CIBAR2: variants seen among roughly 807,000 people sequenced by gnomAD.
CIBAR2 encodes CBY1-interacting BAR domain-containing protein 2.
Under a neutral mutation model 36.2 loss-of-function variants are expected in CIBAR2, and 38 were observed. That is an observed-to-expected ratio of 1.05 (90% CI 0.81 to 1.38). CIBAR2 has a LOEUF of 1.38. CIBAR2 is among the 40% of genes most tolerant of loss of function. The pLI, the probability that CIBAR2 is intolerant of heterozygous loss-of-function variation, is 0.00. For synonymous variants in CIBAR2, 182 were observed against 149.5 expected, an observed-to-expected ratio of 1.22 and a Z score of -1.58; for missense variants, 481 against 383.4, an observed-to-expected ratio of 1.25 and a Z score of -2.13.
chr16:85,099,581 G>A (rs548140457), intron 8 of CIBAR2, among the ~76,000 whole-genome samples: 14 of 151,962 alleles, frequency 9.2e-5, no homozygotes, highest in African/African-American at 2.7e-4. Context: ...GGCAGGGACC[G>A]TGTGGCCTAC....
intron 5 of CIBAR2, among the ~76,000 whole-genome samples, chr16:85,106,779 T>C (rs1450145672): frequency 6.6e-6 from 1 of 152,218 alleles, no homozygotes; most frequent in Non-Finnish European, 1.5e-5. Context: ...TAACACTTTC[T>C]AGCAGAGCTC....
At chr16:85,106,835 G>C (rs1244469983) in intron 5 of CIBAR2, among the ~76,000 whole-genome samples, 5 of 152,208 alleles carry the variant, frequency 3.3e-5, no homozygotes, top group African/African-American at 7.2e-5. Flanking sequence ...AATGCCCCCA[G>C]GTGAGGACCG....
chr16:85,110,321 T>C lies in CIBAR2; in HGVS notation c.160A>G (p.Ile54Val). ...DKADQLVKQLIDFANSENPEL... is the reference protein window; with the variant it reads ...DKADQLVKQLVDFANSENPEL... ...GGGTTCTCGGAGTTGGCAAAGTCGA[T>C]GAGCTGCTTGACCAGCTGGTCCGCC... Residue 54 changes from isoleucine (I) to valine (V), a missense_variant, in exon 2 of 9, where the codon ATC becomes GTC. Physicochemically the swap from Ile to Val is conservative, Grantham distance 29. Transcript: ENST00000539556. 6.2e-7 allele frequency: 1 copy of C among 1,612,758 alleles called. No homozygotes were observed. The highest frequency in any genetic ancestry group is 8.5e-7 in the Non-Finnish European group (1 of 1,179,328).
Position 85,105,391 on chromosome 16 carries a change from C to T in CIBAR2, c.473G>A (p.Arg158His), listed in dbSNP as rs371379522. 15 of 1,613,660 alleles carry T rather than the reference C, an allele frequency of 9.3e-6. No homozygotes were observed. Among genetic ancestry groups the T allele is most frequent in the East Asian group, 2.2e-5 (1 of 44,896 alleles). Residue 158 changes from arginine to histidine, a missense_variant, in exon 6 of 9, where the codon CGC becomes CAC. Physicochemically the swap from Arg to His is conservative, Grantham distance 29. Transcript: ENST00000539556. ...AGTCTCCTCCAGCTGGAGGGTGGTGCGGCTGGAGTCCACAGCGGCCCTCTG... is the reference window on the plus strand; with the variant it reads ...AGTCTCCTCCAGCTGGAGGGTGGTGTGGCTGGAGTCCACAGCGGCCCTCTG... The part of the protein sequence containing the change: ...RVQRAAVDSS[R>H]TTLQLEETVD...
At chr16:85,111,144 A>G (rs535652170) in intron 1 of CIBAR2, among the ~76,000 whole-genome samples, 1 of 151,728 alleles carries the variant, frequency 6.6e-6, no homozygotes, top group East Asian at 1.9e-4. Flanking sequence ...CCTTTCCCTC[A>G]TCCCCAGCGT....
intron 8 of CIBAR2, among the ~76,000 whole-genome samples, chr16:85,099,774 C>G (rs1328838727): frequency 6.6e-6 from 1 of 150,698 alleles, no homozygotes; most frequent in Admixed American, 6.6e-5. Context: ...CAGGCATACA[C>G]CACCACACCC....
intron 8 of CIBAR2, among the ~76,000 whole-genome samples, chr16:85,099,641 T>A (rs368142660): frequency 2.7e-5 from 4 of 149,428 alleles, no homozygotes; most frequent in South Asian, 4.2e-4. Flanking sequence ...TTTTTTTTCC[T>A]GAGACAGAGT....
chr16:85,099,174 A>AC lies in CIBAR2; in HGVS notation c.*10dup. 1 of 1,538,966 alleles carries AC rather than the reference A, an allele frequency of 6.5e-7. No homozygotes were observed. Among genetic ancestry groups the AC allele is most frequent in the Non-Finnish European group, 8.7e-7 (1 of 1,145,410 alleles). On this transcript the variant is annotated 3_prime_UTR_variant, in exon 9 of 9. Coordinates refer to ENST00000539556, the MANE Select transcript of CIBAR2 (RefSeq NM_198491.3). ...TTTTAAACGGCTTGGGATTGCACTT[A>AC]CCCTACGTCGTTAGAGAGAATGTCC...
Position 85,100,191 on chromosome 16 carries a change from A to T in CIBAR2, c.701T>A (p.Leu234Gln). The change falls in exon 8 of 9, where the codon CTG becomes CAG. Residue 234 changes from leucine to glutamine, a missense_variant. Physicochemically the swap from Leu to Gln is moderately radical, Grantham distance 113 (BLOSUM62 -2). Transcript: ENST00000539556. ...TGGAGGGGGGCTGGTGTTGGCAAGC[A>T]GCCGAGTGTCATAATGCCCATAAAC... ...QGVYGHYDTR[L>Q]LANTSPPPSV... is the part of the protein sequence containing the mutation. 4.3e-6 allele frequency: 7 copies of T among 1,611,936 alleles called. No individual in the cohort carries two copies. Among genetic ancestry groups the T allele is most frequent in the Non-Finnish European group, 5.9e-6 (7 of 1,179,346 alleles).
At chr16:85,110,737 C>T (rs1385538690) in intron 1 of CIBAR2, among the ~76,000 whole-genome samples, 4 of 129,672 alleles carry the variant, frequency 3.1e-5, no homozygotes, top group South Asian at 2.6e-4. Flanking sequence ...CAGAGTCTTG[C>T]TCTGTCACCC....
rs1031624480 is a variant in CIBAR2, at chr16:85,107,864, G to C, written c.408C>G (p.Pro136=). 1 of 1,613,844 alleles carries C rather than the reference G, an allele frequency of 6.2e-7. No homozygotes were observed. Among genetic ancestry groups the C allele is most frequent in the Non-Finnish European group, 8.5e-7 (1 of 1,179,692 alleles). The part of the protein sequence containing the change: ...EKLEKLRQKS[P]SDQQMISQAE... ...AGGATACGATCATTTGCTGATCCGA[G>C]GGTGACTTCTGCCTCAGTTTCTCCA... Residue 136 remains proline (P), a synonymous_variant, in exon 4 of 9, where the codon CCC becomes CCG. Transcript: ENST00000539556.
rs2073940371 is a variant in CIBAR2, at chr16:85,099,792, T to A, written c.753+347A>T. Among the ~76,000 whole-genome samples the A allele has an allele frequency of 3.0e-5, 4 of 133,850 alleles. No homozygotes were observed. In the Admixed American group the frequency reaches 3.4e-4, roughly 11 times the overall value. The allele number at this position is 133,850 out of a possible 152,430, so 87.8% of individuals were successfully genotyped here. A position where few individuals can be genotyped will look rare whatever the true frequency, so the allele number is the denominator to read the frequency against. ...GCATACACCACCACACCCGGCTAAT[T>A]TTTGCTTTTTTTTTTTTTTTTTTTT... On this transcript the variant is annotated intron_variant, in intron 8 of 8. Coordinates refer to ENST00000539556, the MANE Select transcript of CIBAR2 (RefSeq NM_198491.3).
Position 85,102,331 on chromosome 16 carries a change from TG to T in CIBAR2, c.538-5del. Reference sequence around the variant, plus strand: ...TTACAAAGTCACAAAAAAATTTCTGTGGGGAGAGAAACCCAAAGAATGTAAG... The same window carrying T: ...TTACAAAGTCACAAAAAAATTTCTGTGGGAGAGAAACCCAAAGAATGTAAG... On this transcript the variant is annotated splice_polypyrimidine_tract_variant and splice_region_variant and intron_variant, in intron 6 of 8. Coordinates refer to ENST00000539556, the MANE Select transcript of CIBAR2 (RefSeq NM_198491.3). The T allele has an allele frequency of 6.4e-7, 1 of 1,574,052 alleles. No individual in the cohort carries two copies. Among genetic ancestry groups the T allele is most frequent in the Non-Finnish European group, 8.7e-7 (1 of 1,143,776 alleles).
intron 2 of CIBAR2, among the ~76,000 whole-genome samples, chr16:85,109,373 A>C (rs1190160625): frequency 6.6e-6 from 1 of 152,186 alleles, no homozygotes; most frequent in Non-Finnish European, 1.5e-5. Flanking sequence ...GACAGTTGTC[A>C]TCTGTCTTGA....
At chr16:85,107,581 C>G (rs2144170332) in intron 5 of CIBAR2, 86 bp downstream of exon 5, 1 of 1,433,380 alleles carries the variant, frequency 7.0e-7, no homozygotes, top group Admixed American at 1.7e-5. Flanking sequence ...TGCTTCAGAC[C>G]AGGTAAAGTC....
At chr16:85,102,089 G>T in intron 7 of CIBAR2, 125 bp downstream of exon 7, 1 of 631,372 alleles carries the variant, frequency 1.6e-6, no homozygotes. Context: ...CGCTTCATCA[G>T]CATGAGTCTT....
At chr16:85,108,643 C>T (rs1181165870) in intron 2 of CIBAR2, among the ~76,000 whole-genome samples, 7 of 151,976 alleles carry the variant, frequency 4.6e-5, no homozygotes, top group African/African-American at 1.2e-4. Flanking sequence ...GAGGCCGAGG[C>T]GGGCAGATCA....
chr16:85,105,641 A>G (rs1435355434), intron 5 of CIBAR2, among the ~76,000 whole-genome samples: 2 of 152,188 alleles, frequency 1.3e-5, no homozygotes, highest in Non-Finnish European at 2.9e-5. Context: ...CCTGCTTGCT[A>G]GCTGTGTGAC....
intron 2 of CIBAR2, 62 bp from the exon 3 acceptor site, chr16:85,108,161 A>G: frequency 3.3e-6 from 5 of 1,501,074 alleles, no homozygotes; most frequent in Non-Finnish European, 4.5e-6. Flanking sequence ...CAGCCTGGGC[A>G]TATAAAGCAG....
Sources: gnomAD v4.1 joint callset for allele counts (sites outside exome capture counted in the v4.1 genomes callset) on GRCh38, gnomAD v4.1.1 for gene constraint, MANE v1.5 for transcripts, NCBI Gene and HGNC (gene_info 2026-07-23, HGNC 2026-07-21) for gene names.